The following TTLL6 variants were observed in gnomAD, a reference collection of about 807,000 sequenced individuals.
TTLL6 encodes the protein tubulin tyrosine ligase like 6.
TTLL6 carries 75 observed loss-of-function variants against 96.4 expected under a neutral mutation model. The observed-to-expected ratio is 0.78, with a 90% CI of 0.65 to 0.94. The LOEUF (loss-of-function observed/expected upper bound fraction) is 0.94. Ranked by LOEUF, TTLL6 falls within the 40% of genes least tolerant of loss-of-function variation. TTLL6 has a pLI of 0.00. For synonymous variants in TTLL6, 411 were observed against 419.4 expected (o/e 0.98, Z 0.24); for missense variants, 1,030 against 1,093.0 (o/e 0.94, Z 0.81).
In TTLL6 at chr17:48,787,881, T is replaced by A. The variant is rs781055455; in HGVS notation, c.1519A>T (p.Lys507Ter). 6.2e-7 allele frequency: 1 copy of A among 1,614,152 alleles called. No homozygotes were observed. Among genetic ancestry groups the A allele is most frequent in the South Asian group, 1.1e-5 (1 of 91,084 alleles). The change falls in exon 11 of 16, where the codon AAG becomes TAG. Residue 507 changes from lysine to a stop codon, truncating the protein, a stop_gained. Transcript: ENST00000393382. LOFTEE classifies it high-confidence loss of function. ...AGGGAGTTGTTGTCCTGGAAAAACT[T>A]CTCATACTTCTCCGAATTCAGACTG... Reference protein sequence around the residue: ...YPSLNSEKYEKFFQDNNSLFQ... With the variant: ...YPSLNSEKYE
chr17:48,777,534 C>A (rs1292491943), intron 13 of TTLL6, among the ~76,000 whole-genome samples: 1 of 152,078 alleles, frequency 6.6e-6, no homozygotes, highest in Non-Finnish European at 1.5e-5. Context: ...AGTTCGAGAC[C>A]AACCTGGCCA....
At chr17:48,799,188 G>A (rs2039368612) in intron 6 of TTLL6, among the ~76,000 whole-genome samples, 1 of 152,204 alleles carries the variant, frequency 6.6e-6, no homozygotes, top group Non-Finnish European at 1.5e-5. Flanking sequence ...TCTTCCCAGA[G>A]AGATCAGTGT....
chr17:48,805,801 C>T (rs993710556), intron 1 of TTLL6, among the ~76,000 whole-genome samples: 1 of 151,008 alleles, frequency 6.6e-6, no homozygotes, highest in Non-Finnish European at 1.5e-5. Flanking sequence ...GGTGAAACCC[C>T]GTCTCTATTA....
Position 48,799,721 on chromosome 17 carries a change from A to AT in TTLL6, c.650dup (p.Asn217LysfsTer2). 1.3e-6 allele frequency: 2 copies of AT among 1,551,632 alleles called. No individual in the cohort carries two copies. Among genetic ancestry groups the AT allele is most frequent in the South Asian group, 1.2e-5 (1 of 84,056 alleles). On this transcript the variant is annotated frameshift_variant, in exon 6 of 16. Coordinates refer to ENST00000393382, the MANE Select transcript of TTLL6 (RefSeq NM_001130918.3). LOFTEE classifies it high-confidence loss of function. ...AATCCGGCTTACAAATGTATGTCTT[A>AT]TTTTTTCTTGACCTGCTGTAGGTCT...
At chr17:48,802,296 C>A (rs1410906132) in intron 3 of TTLL6, among the ~76,000 whole-genome samples, 2 of 152,194 alleles carry the variant, frequency 1.3e-5, no homozygotes, top group African/African-American at 4.8e-5. Flanking sequence ...CCTCCAAACA[C>A]CAAGCTCTGA....
rs568694556 is a variant in TTLL6 at position 48,799,965 on chromosome 17, G to C, written c.612-205C>G. ...TTCAGAGGGAATTCAGGCCTGGGTT[G>C]AAGCCCAAGCAACACCACTTACCAG... On this transcript the variant is annotated intron_variant, in intron 5 of 15. Coordinates refer to ENST00000393382, the MANE Select transcript of TTLL6 (RefSeq NM_001130918.3). The C allele has an allele frequency of 7.0e-6, 4 of 570,086 alleles. No individual in the cohort carries two copies. The African/African-American group carries it at 7.5e-5, about 11-fold the overall frequency. The allele number at this position is 570,086 out of a possible 1,614,324, so 35.3% of individuals were successfully genotyped here. A position where few individuals can be genotyped will look rare whatever the true frequency, so the allele number is the denominator to read the frequency against.
At chr17:48,783,796 T>C (rs576869153) in intron 13 of TTLL6, among the ~76,000 whole-genome samples, 1 of 152,354 alleles carries the variant, frequency 6.6e-6, no homozygotes, top group Non-Finnish European at 1.5e-5. Context: ...CTAAGTGCTC[T>C]AAGTATAAAG....
In TTLL6 at chr17:48,769,096, T is replaced by A; in HGVS notation, c.2569A>T (p.Arg857Trp). Residue 857 changes from arginine to tryptophan, a missense_variant, in exon 15 of 16, where the codon AGG becomes TGG. Physicochemically the swap from Arg to Trp is moderately radical, Grantham distance 101. Transcript: ENST00000393382. The part of the protein sequence containing the change: ...VIATPAQLDP[R>W]PCRSHASAMR... ...GCACTTGCGTGGCTTCTACAAGGCC[T>A]TGGATCCAGTTGGGCTGGAGTGGCA... is the stretch of plus-strand genomic sequence containing the variant. 4 of 1,614,218 alleles carry A rather than the reference T, an allele frequency of 2.5e-6. No homozygotes were observed. Among genetic ancestry groups the A allele is most frequent in the Non-Finnish European group, 3.4e-6 (4 of 1,180,034 alleles).
intron 15 of TTLL6, among the ~76,000 whole-genome samples, chr17:48,767,934 T>C (rs999214701): frequency 1.3e-5 from 2 of 152,164 alleles, no homozygotes; most frequent in Non-Finnish European, 2.9e-5. Context: ...CCAGGCGGCA[T>C]AGCTTGAAGG....
intron 10 of TTLL6, 80 bp from the exon 11 acceptor site, chr17:48,788,079 C>G: frequency 7.2e-7 from 1 of 1,381,772 alleles, no homozygotes; most frequent in South Asian, 1.4e-5. Context: ...AGCTGGAGGT[C>G]GTCTAGGGCC....
chr17:48,792,541 C>G (rs2039247002), intron 8 of TTLL6, among the ~76,000 whole-genome samples: 1 of 152,076 alleles, frequency 6.6e-6, no homozygotes, highest in Non-Finnish European at 1.5e-5. Context: ...CCCAAGGGGT[C>G]AAGAAGGAGG....
At chr17:48,800,862 G>C (rs2039397445) in intron 5 of TTLL6, among the ~76,000 whole-genome samples, 1 of 152,170 alleles carries the variant, frequency 6.6e-6, no homozygotes, top group Admixed American at 6.6e-5. Context: ...ATGGGACAGA[G>C]GTCAGGCATC....
rs753777757 is a variant in TTLL6 at position 48,770,114 on chromosome 17, T to C, written c.2041-17A>G. On this transcript the variant is annotated splice_polypyrimidine_tract_variant and intron_variant, in intron 13 of 15. Coordinates refer to ENST00000393382, the MANE Select transcript of TTLL6 (RefSeq NM_001130918.3). ...GGTTAAGTGCTGGAAGAAAAGACAG[T>C]TCAAAATGAGACTGTGGAAAGCAAA... is the stretch of plus-strand genomic sequence containing the variant. 26 of 1,577,008 alleles carry C rather than the reference T, an allele frequency of 1.6e-5. No homozygotes were observed. In the East Asian group the frequency reaches 5.4e-4, roughly 33 times the overall value.
intron 1 of TTLL6, among the ~76,000 whole-genome samples, chr17:48,815,150 GT>G (rs1433439999): frequency 6.6e-6 from 1 of 152,182 alleles, no homozygotes; most frequent in Non-Finnish European, 1.5e-5. Context: ...TAATTTGGTG[GT>G]TGACTAAGAG....
At chr17:48,781,368 A>C (rs1440434194) in intron 13 of TTLL6, among the ~76,000 whole-genome samples, 2 of 152,104 alleles carry the variant, frequency 1.3e-5, no homozygotes, top group African/African-American at 4.8e-5. Context: ...TTTTGGAGGA[A>C]GCTCCACACT....
At chr17:48,786,451 C>T in intron 11 of TTLL6, 116 bp from the exon 12 acceptor site, 1 of 1,167,904 alleles carries the variant, frequency 8.6e-7, no homozygotes, top group Non-Finnish European at 1.3e-6. Context: ...CACATTCCCT[C>T]CTCCAACATA....
In TTLL6 at chr17:48,789,885, G is replaced by A. The variant is rs767632336; in HGVS notation, c.1400+46C>T. Reference sequence around the variant, plus strand: ...GACAGATCATTCTTATTGGGAGCAGGGGAGTCAGAGAGAGAGCCCCGCAAG... The same window carrying A: ...GACAGATCATTCTTATTGGGAGCAGAGGAGTCAGAGAGAGAGCCCCGCAAG... On this transcript the variant is annotated intron_variant, in intron 10 of 15. Coordinates refer to ENST00000393382, the MANE Select transcript of TTLL6 (RefSeq NM_001130918.3). The A allele has an allele frequency of 3.1e-6, 5 of 1,596,508 alleles. No homozygotes were observed. The Admixed American group carries it at 5.1e-5, about 16-fold the overall frequency.
In TTLL6 at chr17:48,769,778, G is replaced by A; in HGVS notation, c.2360C>T (p.Ser787Phe). The stretch of plus-strand genomic sequence containing the variant: ...GGGGTTGTAGTGAGCTGGGAAGAAG[G>A]AGAGCTTCCCACTCAGTTGAAGCTT... The part of the protein sequence containing the change: ...LTKLQLSGKL[S>F]FFPAHYNPKL... Residue 787 changes from serine (S) to phenylalanine (F), a missense_variant, in exon 14 of 16, where the codon TCC becomes TTC. Physicochemically the swap from Ser to Phe is radical, Grantham distance 155. Coordinates refer to ENST00000393382, the MANE Select transcript of TTLL6 (RefSeq NM_001130918.3). 6.2e-7 allele frequency: 1 copy of A among 1,614,234 alleles called. No individual in the cohort carries two copies.
chr17:48,792,721 G>T (rs1380807736), intron 8 of TTLL6, among the ~76,000 whole-genome samples: 1 of 152,192 alleles, frequency 6.6e-6, no homozygotes, highest in Non-Finnish European at 1.5e-5. Flanking sequence ...TATAAAGACA[G>T]ATAAGCAAAG....
Sources: allele counts gnomAD v4.1 joint callset (sites outside exome capture counted in the v4.1 genomes callset), GRCh38; gene constraint gnomAD v4.1.1; transcripts MANE v1.5; gene names NCBI Gene and HGNC (gene_info 2026-07-23, HGNC 2026-07-21).